Variants in C1QTNF3 observed in about 807,000 individuals in gnomAD.
C1QTNF3 encodes the protein C1q and TNF related 3.
In C1QTNF3, 26 loss-of-function variants were observed where a neutral mutation model predicts 32.6. The observed-to-expected ratio is 0.80, with a 90% confidence interval of 0.58 to 1.11. C1QTNF3 has a LOEUF of 1.11. Ranked by LOEUF, C1QTNF3 falls within the 50% of genes least tolerant of loss-of-function variation. The pLI is 0.00. For missense variants in C1QTNF3, 362 were observed against 398.2 expected, an observed-to-expected ratio of 0.91 and a Z score of 0.77; for synonymous variants, 155 against 146.0, an observed-to-expected ratio of 1.06 and a Z score of -0.44.
At chr5:34,119,768 G>A in the C1QTNF3 span, among the ~76,000 whole-genome samples, 3 of 152,032 alleles carry the variant, frequency 2.0e-5, no homozygotes, top group African/African-American at 4.8e-5. Flanking sequence ...CTCACATTGC[G>A]CATCACTGTG....
the C1QTNF3 span, among the ~76,000 whole-genome samples, chr5:34,125,145 G>A: frequency 0.021 from 3,249 of 152,258 alleles, 50 homozygotes; most frequent in Non-Finnish European, 0.035. Context: ...AATGAGATGG[G>A]TGATGAGTGG....
At chr5:34,159,829 G>A in the C1QTNF3 span, among the ~76,000 whole-genome samples, 2 of 148,806 alleles carry the variant, frequency 1.3e-5, no homozygotes, top group African/African-American at 5.0e-5. Context: ...GATAATTAAA[G>A]CATTAAAAAA....
chr5:34,187,229 T>C, the C1QTNF3 span, among the ~76,000 whole-genome samples: 1 of 152,370 alleles, frequency 6.6e-6, no homozygotes, highest in African/African-American at 2.4e-5. Context: ...TGCAGAACTG[T>C]GAGTCAATTC....
chr5:34,078,538 A>G, the C1QTNF3 span, among the ~76,000 whole-genome samples: 1 of 151,766 alleles, frequency 6.6e-6, no homozygotes, highest in African/African-American at 2.4e-5. This position sits in a 1 kb window ranked among gnomAD's most constrained non-coding sequence, Gnocchi z 4.0. Flanking sequence ...TATCATGAGA[A>G]TAGCATGGGA....
chr5:34,183,845 T>C, the C1QTNF3 span, among the ~76,000 whole-genome samples: 2 of 152,268 alleles, frequency 1.3e-5, no homozygotes, highest in African/African-American at 4.8e-5. Context: ...TATATTTGCA[T>C]CTGGGAAATA....
At chr5:34,210,012 A>G in the C1QTNF3 span, among the ~76,000 whole-genome samples, 2 of 152,098 alleles carry the variant, frequency 1.3e-5, no homozygotes, top group African/African-American at 4.8e-5. Flanking sequence ...TATTAGATGA[A>G]AAGTTTAAAC....
chr5:34,090,015 T>C, the C1QTNF3 span, among the ~76,000 whole-genome samples: 2 of 152,208 alleles, frequency 1.3e-5, no homozygotes, highest in South Asian at 2.1e-4. Flanking sequence ...TATTTCCTTA[T>C]GTGGTAGCAT....
the C1QTNF3 span, among the ~76,000 whole-genome samples, chr5:34,174,863 C>T: frequency 6.1e-4 from 93 of 152,092 alleles, no homozygotes; most frequent in Admixed American, 2.0e-3. Context: ...CTCAGCCTCC[C>T]GAGCAGCTGG....
chr5:34,170,346 G>C, the C1QTNF3 span, among the ~76,000 whole-genome samples: 2 of 152,162 alleles, frequency 1.3e-5, no homozygotes, highest in Non-Finnish European at 2.9e-5. Flanking sequence ...ACATTTTAGA[G>C]AGGGGCTGTT....
intron 3 of C1QTNF3, 56 bp from the exon 4 acceptor site, chr5:34,028,939 T>G (rs1469338392): frequency 2.6e-6 from 4 of 1,509,606 alleles, no homozygotes; most frequent in Non-Finnish European, 3.7e-6. Flanking sequence ...GAAGTCAAGT[T>G]TTTATGCAGA....
At chr5:34,041,882 A>C (rs896623495) in intron 1 of C1QTNF3, among the ~76,000 whole-genome samples, 5 of 151,892 alleles carry the variant, frequency 3.3e-5, no homozygotes, top group African/African-American at 1.2e-4. Flanking sequence ...GATTTCAATT[A>C]CAAGAAATTC....
chr5:34,023,567 C>T (rs1445583934), intron 5 of C1QTNF3, among the ~76,000 whole-genome samples: 1 of 152,096 alleles, frequency 6.6e-6, no homozygotes, highest in African/African-American at 2.4e-5. Flanking sequence ...ACATTCCAAG[C>T]TAACATCAGA....
rs199873478 is a variant in C1QTNF3, at chr5:34,042,895, T to G, written c.231A>C (p.Lys77Asn). The G allele has an allele frequency of 1.2e-6, 2 of 1,614,112 alleles. No homozygotes were observed. Among genetic ancestry groups the G allele is most frequent in the South Asian group, 2.2e-5 (2 of 91,066 alleles). Residue 77 changes from lysine (K) to asparagine (N), a missense_variant, in exon 1 of 6, where the codon AAA becomes AAC. Lys to Asn is a moderately conservative substitution (Grantham distance 94, BLOSUM62 0). Transcript: ENST00000382065. ...TVDNNTSTDL[K>N]SLRPDELPHP... is the part of the protein sequence containing the mutation. ...GCGGTAGCTCATCTGGTCTCAGGGATTTTAGGTCTGTAGAAGTGTTATTAT... is the reference window on the plus strand; with the variant it reads ...GCGGTAGCTCATCTGGTCTCAGGGAGTTTAGGTCTGTAGAAGTGTTATTAT...
the C1QTNF3 span, among the ~76,000 whole-genome samples, chr5:34,221,958 T>C: frequency 1.3e-5 from 2 of 152,038 alleles, no homozygotes; most frequent in South Asian, 4.1e-4. Flanking sequence ...ATAGCAGCAG[T>C]GCTAAACACA....
the C1QTNF3 span, among the ~76,000 whole-genome samples, chr5:34,140,803 A>G: frequency 6.6e-6 from 1 of 152,270 alleles, no homozygotes; most frequent in Non-Finnish European, 1.5e-5. Flanking sequence ...GACTCAAATG[A>G]TTTCACAAAC....
intron 2 of C1QTNF3, among the ~76,000 whole-genome samples, chr5:34,035,102 A>G (rs982639957): frequency 2.0e-5 from 3 of 152,190 alleles, no homozygotes; most frequent in Non-Finnish European, 2.9e-5. Flanking sequence ...GGGTACCAGC[A>G]GGCCCGCGGC....
In C1QTNF3 at chr5:34,035,728, A is replaced by G. The variant is rs758967089; in HGVS notation, c.334T>C (p.Cys112Arg). ...SPQTGGLPPDCSKCCHGDYSF... is the reference protein window; with the variant it reads ...SPQTGGLPPDRSKCCHGDYSF... ...TAGTCTCCATGACAACACTTACTGCAGTCTGGGGGTAGTCCTCCGGTTTGT... is the reference window on the plus strand; with the variant it reads ...TAGTCTCCATGACAACACTTACTGCGGTCTGGGGGTAGTCCTCCGGTTTGT... The change falls in exon 2 of 6, where the codon TGC becomes CGC. Residue 112 changes from cysteine (C) to arginine (R), a missense_variant. Transcript: ENST00000382065. 2 of 1,612,900 alleles carry G rather than the reference A, an allele frequency of 1.2e-6. No individual in the cohort carries two copies. Among genetic ancestry groups the G allele is most frequent in the Non-Finnish European group, 1.7e-6 (2 of 1,179,744 alleles).
At chr5:34,195,811 G>A in the C1QTNF3 span, among the ~76,000 whole-genome samples, 1 of 151,566 alleles carries the variant, frequency 6.6e-6, no homozygotes, top group African/African-American at 2.4e-5. Flanking sequence ...CTGCACTCCA[G>A]CCTGGGTGAC....
chr5:34,114,653 T>G, the C1QTNF3 span, among the ~76,000 whole-genome samples: 1 of 152,202 alleles, frequency 6.6e-6, no homozygotes, highest in South Asian at 2.1e-4. Flanking sequence ...TTTTCCTTTT[T>G]GCTCAATTGC....
Sources: allele counts gnomAD v4.1 joint callset (sites outside exome capture counted in the v4.1 genomes callset), GRCh38; gene constraint gnomAD v4.1.1; non-coding constraint Gnocchi (gnomAD v3.1); transcripts MANE v1.5; gene names NCBI Gene and HGNC (gene_info 2026-07-23, HGNC 2026-07-21).